Variants in JAM2 observed in about 807,000 individuals in gnomAD.
JAM2 encodes the protein junctional adhesion molecule B.
A neutral mutation model predicts 42.0 loss-of-function variants in JAM2; 17 were observed. That is an observed-to-expected ratio of 0.40 (90% CI 0.28 to 0.61). JAM2 has a LOEUF of 0.61. Among genes scored for constraint, JAM2 ranks in the 20% least tolerant of loss-of-function variants. The pLI, the probability that JAM2 is intolerant of heterozygous loss-of-function variation, is 0.37. For missense variants in JAM2, 319 were observed against 358.3 expected (o/e 0.89, Z 0.89); for synonymous variants, 118 against 128.6 (o/e 0.92, Z 0.56).
chr21:25,647,553 T>C (rs1201135259), intron 1 of JAM2, among the ~76,000 whole-genome samples: 1 of 152,210 alleles, frequency 6.6e-6, no homozygotes, highest in Non-Finnish European at 1.5e-5. Context: ...TAACATCTTA[T>C]AGAGGCCTTT....
rs534192847 is a variant in JAM2 at position 25,659,251 on chromosome 21, A to G, written c.67+19363A>G. On this transcript the variant is annotated intron_variant, in intron 1 of 9. Coordinates refer to ENST00000480456, the MANE Select transcript of JAM2 (RefSeq NM_021219.4). ...ATAGAAAACATCCTCATAATTTTCT[A>G]GCCTTTTTTTTTTTTTGCTGTAAGT... Among the ~76,000 whole-genome samples the G allele has an allele frequency of 3.5e-3, 390 of 110,886 alleles. 3 individuals are homozygous for G. The highest frequency in any genetic ancestry group is 0.014 in the African/African-American group (359 of 25,156). The allele number at this position is 110,886 out of a possible 152,430, so 72.7% of individuals were successfully genotyped here.
intron 1 of JAM2, among the ~76,000 whole-genome samples, chr21:25,682,281 C>A (rs762152295): frequency 9.2e-5 from 14 of 152,186 alleles, no homozygotes; most frequent in Non-Finnish European, 1.6e-4. Flanking sequence ...TATAGAATGA[C>A]ATCCATAAAG....
intron 4 of JAM2, among the ~76,000 whole-genome samples, chr21:25,697,803 T>G (rs1002485576): frequency 6.6e-6 from 1 of 151,656 alleles, no homozygotes; most frequent in Non-Finnish European, 1.5e-5. Context: ...ACTGGGGAGG[T>G]TGAGGTGGAA....
intron 9 of JAM2, among the ~76,000 whole-genome samples, chr21:25,713,464 C>T (rs909513442): frequency 2.8e-5 from 4 of 144,866 alleles, no homozygotes; most frequent in African/African-American, 1.0e-4. Flanking sequence ...TTTTAGAGGC[C>T]TAAGTCGTTT....
chr21:25,714,610 T>G, intron 9 of JAM2, 30 bp from the exon 10 acceptor site: 1 of 1,298,800 alleles, frequency 7.7e-7, no homozygotes, highest in Non-Finnish European at 1.1e-6. Flanking sequence ...AATTCATATA[T>G]TTAAACCTGT....
chr21:25,646,065 C>A (rs2032600214), intron 1 of JAM2, among the ~76,000 whole-genome samples: 1 of 152,134 alleles, frequency 6.6e-6, no homozygotes, highest in South Asian at 2.1e-4. Flanking sequence ...ACACTGTACA[C>A]TTAGGCTACA....
chr21:25,705,928 T>A (rs1213220330), intron 6 of JAM2, 51 bp from the exon 7 acceptor site: 1 of 1,211,360 alleles, frequency 8.3e-7, no homozygotes, highest in Middle Eastern at 1.9e-4. Context: ...AATGACTGCA[T>A]CTGTCCGTGT....
intron 1 of JAM2, among the ~76,000 whole-genome samples, chr21:25,649,440 G>A (rs2032709266): frequency 6.6e-6 from 1 of 152,142 alleles, no homozygotes; most frequent in Admixed American, 6.6e-5. Context: ...TCTCATAAGA[G>A]CTCATTCACT....
intron 1 of JAM2, among the ~76,000 whole-genome samples, chr21:25,667,957 T>C (rs2033264889): frequency 6.6e-6 from 1 of 152,090 alleles, no homozygotes; most frequent in Non-Finnish European, 1.5e-5. Context: ...AAAGGTGAGC[T>C]GAAGGTGAGC....
At chr21:25,653,756 G>A (rs527357960) in intron 1 of JAM2, among the ~76,000 whole-genome samples, 1 of 152,224 alleles carries the variant, frequency 6.6e-6, no homozygotes, top group South Asian at 2.1e-4. Context: ...GATGAGATTT[G>A]GGTAGGGACA....
chr21:25,698,649 T>C (rs2123398694), intron 4 of JAM2, 28 bp from the exon 5 acceptor site: 2 of 1,582,374 alleles, frequency 1.3e-6, no homozygotes, highest in African/African-American at 1.3e-5. Flanking sequence ...TTATAAATAA[T>C]CAATATCATT....
chr21:25,688,282 A>G (rs62223994), intron 2 of JAM2, among the ~76,000 whole-genome samples: 152,167 of 152,198 alleles, frequency 1, 76,068 homozygotes, highest in Middle Eastern at 1. Context: ...ATGTGTGTGT[A>G]CACGCGCCCA....
At chr21:25,643,240 C>A (rs1014046025) in intron 1 of JAM2, among the ~76,000 whole-genome samples, 4 of 152,198 alleles carry the variant, frequency 2.6e-5, no homozygotes, top group African/African-American at 9.7e-5. Context: ...TGTTAGATTT[C>A]TCTGAGGCAT....
At chr21:25,691,420 G>T (rs2033878517) in intron 3 of JAM2, among the ~76,000 whole-genome samples, 1 of 152,132 alleles carries the variant, frequency 6.6e-6, no homozygotes, top group African/African-American at 2.4e-5. Flanking sequence ...GATGAGATCT[G>T]GCCATGTTCC....
At chr21:25,711,358 T>C (rs2034379970) in intron 8 of JAM2, 1 of 453,608 alleles carries the variant, frequency 2.2e-6, no homozygotes, top group Non-Finnish European at 4.4e-6. Context: ...GTCCTTCTTG[T>C]ATGTACAGAT....
At chr21:25,684,430 G>A (rs2033704771) in intron 2 of JAM2, among the ~76,000 whole-genome samples, 1 of 152,088 alleles carries the variant, frequency 6.6e-6, no homozygotes, top group Non-Finnish European at 1.5e-5. Context: ...AAATAGTTCT[G>A]GAGATTGTTA....
At chr21:25,688,243 G>GGGGTGTGTGTGTGT (rs1555868472) in intron 2 of JAM2, among the ~76,000 whole-genome samples, 1 of 149,710 alleles carries the variant, frequency 6.7e-6, no homozygotes, top group Non-Finnish European at 1.5e-5. Flanking sequence ...CACCAGGAGG[G>GGGGTGTGTGTGTGT]GTGTGTGTGT....
chr21:25,684,826 G>C (rs939244647), intron 2 of JAM2, among the ~76,000 whole-genome samples: 1 of 152,056 alleles, frequency 6.6e-6, no homozygotes, highest in African/African-American at 2.4e-5. Context: ...TTGTACTCCT[G>C]GGCTCAAGCA....
intron 1 of JAM2, among the ~76,000 whole-genome samples, chr21:25,683,078 C>A (rs1284524779): frequency 6.6e-6 from 1 of 152,154 alleles, no homozygotes; most frequent in South Asian, 2.1e-4. Context: ...AACAGGAATG[C>A]CTGTCCCCTT....
Sources: gnomAD v4.1 joint callset for allele counts (sites outside exome capture counted in the v4.1 genomes callset) on GRCh38, gnomAD v4.1.1 for gene constraint, MANE v1.5 for transcripts, NCBI Gene and HGNC (gene_info 2026-07-23, HGNC 2026-07-21) for gene names.